Variants in BBOX1 observed in about 807,000 individuals in gnomAD.
BBOX1 encodes gamma-butyrobetaine dioxygenase.
Under a neutral mutation model 41.6 loss-of-function variants are expected in BBOX1, and 35 were observed. The observed-to-expected ratio is 0.84, with a 90% CI of 0.64 to 1.11. The LOEUF (loss-of-function observed/expected upper bound fraction) is 1.11. Ranked by LOEUF, BBOX1 falls within the 50% of genes most tolerant of loss-of-function variation. The pLI is 0.00. For missense variants in BBOX1, 458 were observed against 460.6 expected (o/e 0.99, Z 0.05); for synonymous variants, 163 against 154.7 (o/e 1.05, Z -0.40).
intron 4 of BBOX1, among the ~76,000 whole-genome samples, chr11:27,059,572 C>A (rs1857080130): frequency 6.6e-6 from 1 of 152,104 alleles, no homozygotes; most frequent in South Asian, 2.1e-4. Flanking sequence ...AGATCCACCG[C>A]CAGCATGCAT....
chr11:27,042,833 A>C (rs1010540816), intron 2 of BBOX1, among the ~76,000 whole-genome samples: 1 of 152,162 alleles, frequency 6.6e-6, no homozygotes, highest in Non-Finnish European at 1.5e-5. Flanking sequence ...AAATGATGTC[A>C]AACTGCAGGC....
chr11:27,078,381 G>T (rs1329104616), intron 4 of BBOX1, among the ~76,000 whole-genome samples: 1 of 151,750 alleles, frequency 6.6e-6, no homozygotes, highest in African/African-American at 2.4e-5. Flanking sequence ...GTGCAGTTTT[G>T]TTACAATGTA....
chr11:27,126,015 T>C (rs537126819), intron 8 of BBOX1, among the ~76,000 whole-genome samples, 195 bp downstream of exon 8: 7 of 152,290 alleles, frequency 4.6e-5, no homozygotes, highest in African/African-American at 1.7e-4. Context: ...TATTTTATCC[T>C]GATAAACAAA....
At chr11:27,110,905 A>G (rs915936526) in intron 5 of BBOX1, among the ~76,000 whole-genome samples, 1 of 151,944 alleles carries the variant, frequency 6.6e-6, no homozygotes, top group Non-Finnish European at 1.5e-5. Flanking sequence ...TATATAGTGA[A>G]CATTTTTCAA....
At chr11:27,118,468 T>C (rs1859341863) in intron 6 of BBOX1, among the ~76,000 whole-genome samples, 1 of 151,910 alleles carries the variant, frequency 6.6e-6, no homozygotes. Context: ...GAGAGTTCAG[T>C]TTGATCGATT....
At chr11:27,124,149 A>G (rs937420825) in intron 7 of BBOX1, among the ~76,000 whole-genome samples, 2 of 151,996 alleles carry the variant, frequency 1.3e-5, no homozygotes, top group African/African-American at 4.8e-5. Flanking sequence ...TGTAACCCAG[A>G]CCCCAAACCA....
At chr11:27,108,635 T>G (rs1417036761) in intron 5 of BBOX1, among the ~76,000 whole-genome samples, 1 of 152,074 alleles carries the variant, frequency 6.6e-6, no homozygotes, top group Non-Finnish European at 1.5e-5. Context: ...TGAAATGAGT[T>G]GCAGCAGACT....
intron 2 of BBOX1, among the ~76,000 whole-genome samples, chr11:27,049,259 A>G (rs558403333): frequency 6.6e-6 from 1 of 152,190 alleles, no homozygotes; most frequent in African/African-American, 2.4e-5. Context: ...TCTTTTTGAC[A>G]ATAGTCATTC....
At chr11:27,070,603 A>C (rs907523051) in intron 4 of BBOX1, among the ~76,000 whole-genome samples, 4 of 151,034 alleles carry the variant, frequency 2.6e-5, no homozygotes, top group African/African-American at 9.7e-5. Flanking sequence ...TTTGGTTTCT[A>C]TTTGCATGGA....
chr11:27,056,542 CA>C (rs1277529390), intron 3 of BBOX1, among the ~76,000 whole-genome samples: 1 of 152,080 alleles, frequency 6.6e-6, no homozygotes, highest in Non-Finnish European at 1.5e-5. Flanking sequence ...AGGCATAAGC[CA>C]CCACACCCAG....
At chr11:27,050,728 GT>G (rs1310257254) in intron 2 of BBOX1, among the ~76,000 whole-genome samples, 1 of 152,058 alleles carries the variant, frequency 6.6e-6, no homozygotes, top group Non-Finnish European at 1.5e-5. Flanking sequence ...AGTTCTAAAA[GT>G]TTTTTCTGCA....
intron 2 of BBOX1, among the ~76,000 whole-genome samples, chr11:27,044,108 G>A (rs1276619988): frequency 6.6e-6 from 1 of 151,784 alleles, no homozygotes; most frequent in Non-Finnish European, 1.5e-5. Context: ...AGCATCTGTT[G>A]TTTCCTGACT....
chr11:27,046,439 G>GACACAC (rs34097371), intron 2 of BBOX1, among the ~76,000 whole-genome samples: 28,160 of 149,574 alleles, frequency 0.19, 2,794 homozygotes, highest in Middle Eastern at 0.3. Context: ...ACACACCACA[G>GACACAC]ACACACACAC....
chr11:27,061,931 G>C (rs569541683), intron 4 of BBOX1, among the ~76,000 whole-genome samples: 1 of 152,272 alleles, frequency 6.6e-6, no homozygotes, highest in South Asian at 2.1e-4. Context: ...TTCTCTCCTT[G>C]AGGACTTATC....
chr11:27,073,139 G>C (rs928263226), intron 4 of BBOX1, among the ~76,000 whole-genome samples: 7 of 152,110 alleles, frequency 4.6e-5, no homozygotes, highest in African/African-American at 1.7e-4. Context: ...CCTACAGAAT[G>C]GGAGAAAATT....
rs1425897309 is a variant in BBOX1 at position 27,125,831 on chromosome 11, A to G, written c.1003+11A>G. ...TCAAGATGAATCCAGGTCAGTGAATACATTTTCTCAAATAACCAAAAGCAT... is the reference window on the plus strand; with the variant it reads ...TCAAGATGAATCCAGGTCAGTGAATGCATTTTCTCAAATAACCAAAAGCAT... On this transcript the variant is annotated intron_variant, in intron 8 of 8. Coordinates refer to ENST00000263182, the MANE Select transcript of BBOX1 (RefSeq NM_003986.3). The G allele has an allele frequency of 6.3e-7, 1 of 1,599,002 alleles. No individual in the cohort carries two copies. Among genetic ancestry groups the G allele is most frequent in the Non-Finnish European group, 8.5e-7 (1 of 1,174,058 alleles).
At chr11:27,075,275 T>A (rs1857596617) in intron 4 of BBOX1, among the ~76,000 whole-genome samples, 1 of 152,184 alleles carries the variant, frequency 6.6e-6, no homozygotes, top group Non-Finnish European at 1.5e-5. Flanking sequence ...CTTTCTCAGA[T>A]GCTGGCTGTA....
rs1859625512 is a variant in BBOX1 at position 27,125,661 on chromosome 11, G to A, written c.844G>A (p.Asp282Asn). 6.4e-7 allele frequency: 1 copy of A among 1,552,006 alleles called. No homozygotes were observed. Among genetic ancestry groups the A allele is most frequent in the Non-Finnish European group, 8.7e-7 (1 of 1,148,708 alleles). The change falls in exon 8 of 9, where the codon GAT becomes AAT. Residue 282 changes from aspartate (D) to asparagine (N), a missense_variant. Transcript: ENST00000263182. ...QSKHKIIELD[D>N]KGQVVRINFN... ...TTTCTCTTAATAAAACAGGTTAGAT[G>A]ATAAAGGCCAAGTGGTTCGCATCAA...
chr11:27,097,069 T>G (rs145152853), intron 5 of BBOX1, among the ~76,000 whole-genome samples: 74 of 151,970 alleles, frequency 4.9e-4, no homozygotes, highest in African/African-American at 1.7e-3. Flanking sequence ...AGAATAAGAG[T>G]AGGTAAAGAA....
Sources: gnomAD v4.1 joint callset for allele counts (sites outside exome capture counted in the v4.1 genomes callset) on GRCh38, gnomAD v4.1.1 for gene constraint, MANE v1.5 for transcripts, NCBI Gene and HGNC (gene_info 2026-07-23, HGNC 2026-07-21) for gene names.